The following FAM151B variants were observed in gnomAD, a reference collection of about 807,000 sequenced individuals.
FAM151B encodes family with sequence similarity 151 member B, also known as protein FAM151B.
FAM151B carries 24 observed loss-of-function variants against 31.2 expected under a neutral mutation model. The ratio of observed to expected loss-of-function variants is 0.77; its 90% confidence interval spans 0.56 to 1.08. The LOEUF is 1.08. FAM151B is among the 50% of genes least tolerant of loss of function. The probability of loss-of-function intolerance (pLI) is 0.00; values close to 1 mark genes in which losing one functional copy is unlikely to be tolerated. For missense variants in FAM151B, 293 were observed against 328.6 expected (o/e 0.89, Z 0.84); for synonymous variants, 105 against 111.4 (o/e 0.94, Z 0.36).
chr5:80,533,070 G>A lies in FAM151B; in HGVS notation c.672-8603G>A, dbSNP rs191387728. Among the ~76,000 whole-genome samples the A allele has an allele frequency of 4.2e-3, 636 of 152,184 alleles. 4 individuals are homozygous for A. Among genetic ancestry groups the A allele is most frequent in the Middle Eastern group, 0.014 (4 of 294 alleles). On this transcript the variant is annotated intron_variant, in intron 5 of 5. Transcript: ENST00000282226. ...TTTTAAAACTTCAAATAACCTAACA[G>A]TGCATCTTAAAAACTAGAAAAGCAA...
At chr5:80,491,060 T>A (rs979246629) in intron 1 of FAM151B, among the ~76,000 whole-genome samples, 5 of 152,188 alleles carry the variant, frequency 3.3e-5, no homozygotes, top group Non-Finnish European at 7.3e-5. Context: ...CGAGGTACAA[T>A]GTGATGTTAT....
At chr5:80,499,099 G>A (rs1743650310) in intron 1 of FAM151B, 1 of 159,394 alleles carries the variant, frequency 6.3e-6, no homozygotes, top group African/African-American at 2.4e-5. Context: ...AGAATCTCAT[G>A]CGTGGGGAAT....
At chr5:80,512,378 G>T (rs1744225349) in intron 2 of FAM151B, among the ~76,000 whole-genome samples, 1 of 152,186 alleles carries the variant, frequency 6.6e-6, no homozygotes, top group Admixed American at 6.5e-5. Context: ...ATACCTGGGT[G>T]TTTATGCTTG....
At chr5:80,491,598 C>T (rs1166686848) in intron 1 of FAM151B, among the ~76,000 whole-genome samples, 2 of 152,062 alleles carry the variant, frequency 1.3e-5, no homozygotes, top group African/African-American at 2.4e-5. Flanking sequence ...AACTTTGCAC[C>T]CTTTGACTGA....
At chr5:80,538,103 C>G (rs551981501) in intron 5 of FAM151B, among the ~76,000 whole-genome samples, 4 of 148,580 alleles carry the variant, frequency 2.7e-5, no homozygotes, top group East Asian at 3.9e-4. Context: ...GAGTCTCACT[C>G]TGTCACCAGG....
At chr5:80,532,140 G>A (rs1443098956) in intron 5 of FAM151B, among the ~76,000 whole-genome samples, 1 of 147,776 alleles carries the variant, frequency 6.8e-6, no homozygotes, top group African/African-American at 2.5e-5. Context: ...AACACTGTGT[G>A]TTCTCACTCA....
At chr5:80,488,512 G>C (rs1743196608) in intron 1 of FAM151B, among the ~76,000 whole-genome samples, 1 of 152,244 alleles carries the variant, frequency 6.6e-6, no homozygotes, top group Non-Finnish European at 1.5e-5. Context: ...TTTGAAAGCT[G>C]GGGGAGGTTT....
intron 4 of FAM151B, among the ~76,000 whole-genome samples, chr5:80,521,211 A>G (rs1003724818): frequency 1.4e-5 from 2 of 145,706 alleles, no homozygotes; most frequent in African/African-American, 5.1e-5. Context: ...TGCACCTTCA[A>G]CCTCCTGGGC....
chr5:80,488,274 AC>A, intron 1 of FAM151B, 126 bp downstream of exon 1: 1 of 1,232,780 alleles, frequency 8.1e-7, no homozygotes, highest in Non-Finnish European at 1.1e-6. Context: ...GCCGCGCAGA[AC>A]CGGGCGGCTG....
chr5:80,488,297 C>G, intron 1 of FAM151B, 149 bp downstream of exon 1: 2 of 1,047,192 alleles, frequency 1.9e-6, no homozygotes, highest in South Asian at 1.8e-5. Flanking sequence ...GCTTGGAGCC[C>G]GCTCTGCACT....
intron 5 of FAM151B, among the ~76,000 whole-genome samples, chr5:80,526,642 A>G (rs767204083): frequency 2.5e-4 from 38 of 151,840 alleles, no homozygotes; most frequent in Non-Finnish European, 4.6e-4. Flanking sequence ...CTTTCAATTG[A>G]TTTTCTTGAG....
chr5:80,540,792 A>G (rs146398608), intron 5 of FAM151B, among the ~76,000 whole-genome samples: 1 of 152,294 alleles, frequency 6.6e-6, no homozygotes, highest in African/African-American at 2.4e-5. Flanking sequence ...CTGTGGGGCA[A>G]TATCCAAATT....
chr5:80,532,438 T>C (rs1052412133), intron 5 of FAM151B, among the ~76,000 whole-genome samples: 2 of 152,180 alleles, frequency 1.3e-5, no homozygotes, highest in African/African-American at 4.8e-5. Context: ...AGGGAGTCAG[T>C]TCAGCAAGAG....
chr5:80,513,876 A>C, intron 3 of FAM151B, 107 bp downstream of exon 3: 1 of 1,123,506 alleles, frequency 8.9e-7, no homozygotes, highest in East Asian at 2.6e-5. Context: ...GTAGACTCTA[A>C]TATATTTCAG....
At chr5:80,515,563 C>T (rs1032672735) in intron 3 of FAM151B, among the ~76,000 whole-genome samples, 3 of 152,158 alleles carry the variant, frequency 2.0e-5, no homozygotes, top group Admixed American at 6.5e-5. Context: ...TATTCTTTGG[C>T]TTCTCACCAG....
In FAM151B at chr5:80,513,448, G is replaced by C. The variant is rs79574079; in HGVS notation, c.152-156G>C. 4.3e-4 allele frequency among the ~76,000 whole-genome samples: 65 copies of C among 152,278 alleles called. 1 individual carries two copies. In the East Asian group the frequency reaches 0.013, roughly 29 times the overall value. ...CTAAAAAATAGGGAGAATGTGTACGGACCTTGTATACTGCCTGGCATGGGA... is the reference window on the plus strand; with the variant it reads ...CTAAAAAATAGGGAGAATGTGTACGCACCTTGTATACTGCCTGGCATGGGA... On this transcript the variant is annotated intron_variant, in intron 2 of 5. Transcript: ENST00000282226.
intron 2 of FAM151B, among the ~76,000 whole-genome samples, chr5:80,505,372 C>G (rs1387406369): frequency 6.6e-6 from 1 of 150,812 alleles, no homozygotes; most frequent in Non-Finnish European, 1.5e-5. Flanking sequence ...AGAAGAGAGA[C>G]ATAGCAAACA....
chr5:80,538,199 C>A (rs767761820), intron 5 of FAM151B, among the ~76,000 whole-genome samples: 1 of 151,806 alleles, frequency 6.6e-6, no homozygotes, highest in African/African-American at 2.4e-5. Flanking sequence ...TCCCAAGTAG[C>A]TGGGACTACA....
intron 1 of FAM151B, 54 bp downstream of exon 1, chr5:80,488,202 C>T (rs1743180699): frequency 2.6e-6 from 4 of 1,517,778 alleles, no homozygotes; most frequent in Middle Eastern, 1.8e-4. Context: ...TGAGAGGCTC[C>T]GCCGGCCGTA....
Sources: gnomAD v4.1 joint callset for allele counts (sites outside exome capture counted in the v4.1 genomes callset) on GRCh38, gnomAD v4.1.1 for gene constraint, MANE v1.5 for transcripts, NCBI Gene and HGNC (gene_info 2026-07-23, HGNC 2026-07-21) for gene names.